GALNTL6: variants seen among roughly 807,000 people sequenced by gnomAD.
The protein encoded by GALNTL6 is polypeptide N-acetylgalactosaminyltransferase like 6, also known as polypeptide N-acetylgalactosaminyltransferase-like 6.
A neutral mutation model predicts 73.7 loss-of-function variants in GALNTL6; 46 were observed. That is an observed-to-expected ratio of 0.62 (90% CI 0.49 to 0.80). The LOEUF (loss-of-function observed/expected upper bound fraction) is 0.80. Ranked by LOEUF, GALNTL6 falls within the 30% of genes least tolerant of loss-of-function variation. The pLI is 0.00. For synonymous variants in GALNTL6, 259 were observed against 263.7 expected (o/e 0.98, Z 0.17); for missense variants, 604 against 755.0 (o/e 0.80, Z 2.34).
At chr4:172,393,137 T>C (rs532047667) in intron 5 of GALNTL6, among the ~76,000 whole-genome samples, 4 of 152,264 alleles carry the variant, frequency 2.6e-5, no homozygotes, top group African/African-American at 9.6e-5. Context: ...GGAAAAATTG[T>C]CTTCCATGAA....
At chr4:171,960,207 T>C (rs567306882) in intron 2 of GALNTL6, among the ~76,000 whole-genome samples, 1 of 152,282 alleles carries the variant, frequency 6.6e-6, no homozygotes, top group Non-Finnish European at 1.5e-5. Context: ...GGACACAATA[T>C]TAGAGTCAAA....
In GALNTL6 at chr4:172,508,022, G is replaced by A. The variant is rs1346167795; in HGVS notation, c.553+159333G>A. ...GTGAGAGTTGTTTTGTAGGAACAGC[G>A]GTACATGGAAAACGTTTTAGCATGG... On this transcript the variant is annotated intron_variant, in intron 5 of 12. Transcript: ENST00000506823. Among the ~76,000 whole-genome samples, 5 of 54,972 alleles carry A rather than the reference G, an allele frequency of 9.1e-5. 2 individuals are homozygous for A. The highest frequency in any genetic ancestry group is 2.3e-4 in the African/African-American group (5 of 22,004). The allele number at this position is 54,972 out of a possible 152,430, so 36.1% of individuals were successfully genotyped here.
At chr4:171,983,480 AT>A (rs567329581) in intron 2 of GALNTL6, among the ~76,000 whole-genome samples, 1 of 149,872 alleles carries the variant, frequency 6.7e-6, no homozygotes, top group East Asian at 2.0e-4. Context: ...TTATTTATTT[AT>A]TTATTTATTT....
intron 2 of GALNTL6, among the ~76,000 whole-genome samples, chr4:171,867,325 A>G (rs561718243): frequency 6.6e-6 from 1 of 152,150 alleles, no homozygotes. Context: ...TTGTATAATA[A>G]ATGTATTAAA....
intron 2 of GALNTL6, among the ~76,000 whole-genome samples, chr4:171,825,227 T>C (rs1442249700): frequency 1.3e-5 from 2 of 152,100 alleles, no homozygotes; most frequent in East Asian, 3.9e-4. Context: ...AACAGTCAGG[T>C]AGAATTGGAA....
At chr4:172,054,806 T>C (rs13150084) in intron 2 of GALNTL6, among the ~76,000 whole-genome samples, 1 of 152,172 alleles carries the variant, frequency 6.6e-6, no homozygotes, top group Admixed American at 6.6e-5. Flanking sequence ...ATTGTCCAAC[T>C]ACTGAACTTC....
At chr4:173,011,883 C>T (rs1026211485) in intron 11 of GALNTL6, among the ~76,000 whole-genome samples, 17 of 152,062 alleles carry the variant, frequency 1.1e-4, no homozygotes, top group African/African-American at 4.1e-4. Context: ...GGCAAAATTG[C>T]CTTTGCTCTC....
chr4:172,741,210 A>G (rs1014947187), intron 5 of GALNTL6, among the ~76,000 whole-genome samples: 1 of 152,092 alleles, frequency 6.6e-6, no homozygotes. Flanking sequence ...TTTGAACCTA[A>G]CAGTTTGAAA....
chr4:171,943,240 G>A (rs566293772), intron 2 of GALNTL6, among the ~76,000 whole-genome samples: 2 of 152,270 alleles, frequency 1.3e-5, no homozygotes, highest in East Asian at 3.9e-4. Context: ...CAGTAACTCT[G>A]GACATGATGC....
chr4:172,469,004 A>T (rs1206830639), intron 5 of GALNTL6, among the ~76,000 whole-genome samples: 1 of 152,180 alleles, frequency 6.6e-6, no homozygotes, highest in Non-Finnish European at 1.5e-5. Context: ...CTTAATCCTA[A>T]GAATGGCAAG....
chr4:172,519,154 T>A (rs1393292648), intron 5 of GALNTL6, among the ~76,000 whole-genome samples: 3 of 150,694 alleles, frequency 2.0e-5, no homozygotes, highest in Non-Finnish European at 4.4e-5. Flanking sequence ...TATATATATA[T>A]AAATATGTTT....
intron 5 of GALNTL6, among the ~76,000 whole-genome samples, chr4:172,755,321 A>G (rs1737693221): frequency 6.6e-6 from 1 of 151,284 alleles, no homozygotes; most frequent in African/African-American, 2.5e-5. Flanking sequence ...TTAAACTTCT[A>G]AATTGCAAAA....
At chr4:171,845,292 T>G (rs1401285612) in intron 2 of GALNTL6, among the ~76,000 whole-genome samples, 1 of 152,172 alleles carries the variant, frequency 6.6e-6, no homozygotes, top group Non-Finnish European at 1.5e-5. Flanking sequence ...AGAGACAAAC[T>G]AATAACTTCT....
At chr4:172,245,534 C>T (rs1417563301) in intron 3 of GALNTL6, among the ~76,000 whole-genome samples, 1 of 152,174 alleles carries the variant, frequency 6.6e-6, no homozygotes, top group Non-Finnish European at 1.5e-5. Context: ...ATGACATTAA[C>T]AAAGTTTTGC....
intron 2 of GALNTL6, among the ~76,000 whole-genome samples, chr4:171,855,457 T>C (rs1735662545): frequency 6.6e-6 from 1 of 152,242 alleles, no homozygotes; most frequent in Admixed American, 6.5e-5. Flanking sequence ...TGATAACTCA[T>C]TTCTTTTTGT....
At chr4:172,713,544 A>C (rs1404690726) in intron 5 of GALNTL6, among the ~76,000 whole-genome samples, 1 of 152,072 alleles carries the variant, frequency 6.6e-6, no homozygotes, top group African/African-American at 2.4e-5. Context: ...TATTCCTCTC[A>C]CCCAAAAGCA....
chr4:172,243,976 A>C (rs537030659), intron 3 of GALNTL6, among the ~76,000 whole-genome samples: 31 of 152,234 alleles, frequency 2.0e-4, no homozygotes, highest in Admixed American at 1.8e-3. Context: ...ATGTCTCTTA[A>C]AAATATTATC....
intron 3 of GALNTL6, among the ~76,000 whole-genome samples, chr4:172,235,764 T>C (rs1473541296): frequency 6.6e-6 from 1 of 152,036 alleles, no homozygotes; most frequent in Non-Finnish European, 1.5e-5. Context: ...TAGTGCCCAG[T>C]AGGTAGTTTT....
At chr4:172,650,883 A>G (rs1273234317) in intron 5 of GALNTL6, among the ~76,000 whole-genome samples, 1 of 152,218 alleles carries the variant, frequency 6.6e-6, no homozygotes, top group Non-Finnish European at 1.5e-5. Flanking sequence ...AAGTTTTCCT[A>G]AAGACTACAG....
Sources: gnomAD v4.1 joint callset for allele counts (sites outside exome capture counted in the v4.1 genomes callset) on GRCh38, gnomAD v4.1.1 for gene constraint, MANE v1.5 for transcripts, NCBI Gene and HGNC (gene_info 2026-07-23, HGNC 2026-07-21) for gene names.